Variants in USP28 observed in about 807,000 individuals in gnomAD.
USP28 encodes the protein ubiquitin carboxyl-terminal hydrolase 28.
A neutral mutation model predicts 145.0 loss-of-function variants in USP28; 113 were observed. That is an observed-to-expected ratio of 0.78 (90% confidence interval 0.67 to 0.91). The LOEUF (loss-of-function observed/expected upper bound fraction) is 0.91, where lower values mean the gene tolerates loss of function less well. USP28 is among the 40% of genes least tolerant of loss of function. The pLI, the probability that USP28 is intolerant of heterozygous loss-of-function variation, is 0.00. For synonymous variants in USP28, 447 were observed against 450.9 expected (o/e 0.99, Z 0.11); for missense variants, 1,201 against 1,289.6 (o/e 0.93, Z 1.05).
chr11:113,859,031 G>A (rs1347308139), intron 1 of USP28, among the ~76,000 whole-genome samples: 2 of 152,120 alleles, frequency 1.3e-5, no homozygotes, highest in Non-Finnish European at 2.9e-5. Flanking sequence ...AACATTTATT[G>A]AACAACTACT....
At chr11:113,816,570 C>T (rs1376329756) in intron 13 of USP28, among the ~76,000 whole-genome samples, 1 of 152,088 alleles carries the variant, frequency 6.6e-6, no homozygotes, top group Non-Finnish European at 1.5e-5. Context: ...CACTCTCTCA[C>T]ATGCACAAAA....
intron 1 of USP28, among the ~76,000 whole-genome samples, chr11:113,866,867 A>G (rs1044485875): frequency 6.6e-6 from 1 of 152,256 alleles, no homozygotes; most frequent in African/African-American, 2.4e-5. Context: ...AACTATTCAT[A>G]ATAACCAAAA....
In USP28 at chr11:113,813,853, C is replaced by T. The variant is rs753762012; in HGVS notation, c.1743+32G>A. Reference sequence around the variant, plus strand: ...TTTTGTATCTACCATTAGCACATGCCTTGACTACTTTCCCATCAATTTTCA... The same window carrying T: ...TTTTGTATCTACCATTAGCACATGCTTTGACTACTTTCCCATCAATTTTCA... On this transcript the variant is annotated intron_variant, in intron 15 of 24. Coordinates refer to ENST00000003302, the Ensembl canonical transcript of USP28. 7.6e-6 allele frequency: 12 copies of T among 1,582,838 alleles called. No individual in the cohort carries two copies. In the Admixed American group the frequency reaches 1.0e-4, roughly 13 times the overall value.
At chr11:113,818,740 A>G (rs1942145535) in intron 12 of USP28, among the ~76,000 whole-genome samples, 3 of 152,234 alleles carry the variant, frequency 2.0e-5, no homozygotes, top group African/African-American at 7.2e-5. Context: ...ACACTCCTGT[A>G]GTCCCAGCTC....
chr11:113,864,886 G>A (rs772527601), intron 1 of USP28, among the ~76,000 whole-genome samples: 1 of 152,118 alleles, frequency 6.6e-6, no homozygotes, highest in Non-Finnish European at 1.5e-5. Context: ...GATGGGGTCT[G>A]TCTCTGTCAC....
At chr11:113,847,370 C>G (rs149592190) in intron 3 of USP28, among the ~76,000 whole-genome samples, 1 of 140,666 alleles carries the variant, frequency 7.1e-6, no homozygotes. Context: ...GTAATACAAT[C>G]GCCAAACTCC....
At chr11:113,813,228 G>A (rs1229329025) in intron 15 of USP28, among the ~76,000 whole-genome samples, 2 of 152,156 alleles carry the variant, frequency 1.3e-5, no homozygotes, top group East Asian at 3.8e-4. Context: ...TTTACATGGT[G>A]CATTCCTGTT....
chr11:113,797,976 A>T (rs1195909349), exon 25 of USP28: 1 of 152,474 alleles, frequency 6.6e-6, no homozygotes, highest in Non-Finnish European at 1.5e-5. Flanking sequence ...GTTAAAACAC[A>T]ATATCCAATC....
intron 8 of USP28, 104 bp from the exon 9 acceptor site, chr11:113,831,047 C>A (rs1394262101): frequency 8.8e-7 from 1 of 1,130,508 alleles, no homozygotes. Context: ...TTTTCATCAA[C>A]CCCCAAAGAG....
At chr11:113,816,393 G>A (rs538079495) in intron 13 of USP28, among the ~76,000 whole-genome samples, 1 of 152,114 alleles carries the variant, frequency 6.6e-6, no homozygotes, top group East Asian at 1.9e-4. Flanking sequence ...CACGCCTGTA[G>A]TCCCAGCTAC....
intron 1 of USP28, among the ~76,000 whole-genome samples, chr11:113,865,317 C>T (rs1948148313): frequency 6.6e-6 from 1 of 152,138 alleles, no homozygotes; most frequent in Non-Finnish European, 1.5e-5. Flanking sequence ...AATGCTTTGG[C>T]CTTTCTTGCA....
At position 113,833,323 on chromosome 11, in the gene USP28, TCA is replaced by T. The variant is rs1944221979; in HGVS notation, c.759+95_759+96del. 6.0e-6 allele frequency: 9 copies of T among 1,497,990 alleles called. No individual in the cohort carries two copies. In the African/African-American group the frequency reaches 1.1e-4, roughly 19 times the overall value. The allele number at this position is 1,497,990 out of a possible 1,614,324, so 92.8% of individuals were successfully genotyped here. ...AACGAGCATCCATAGTCCTGCTTAGTCATGTTCACAGCTTGTTACGCAGTTGA... is the reference window on the plus strand; with the variant it reads ...AACGAGCATCCATAGTCCTGCTTAGTTGTTCACAGCTTGTTACGCAGTTGA... On this transcript the variant is annotated intron_variant, in intron 7 of 24. Coordinates refer to ENST00000003302, the Ensembl canonical transcript of USP28.
intron 5 of USP28, among the ~76,000 whole-genome samples, chr11:113,837,423 T>C (rs998427283): frequency 1.3e-5 from 2 of 152,140 alleles, no homozygotes; most frequent in African/African-American, 4.8e-5. Context: ...TACATCCACA[T>C]CCCAGGCTGC....
chr11:113,862,943 T>C (rs1947852079), intron 1 of USP28, among the ~76,000 whole-genome samples: 1 of 152,164 alleles, frequency 6.6e-6, no homozygotes, highest in South Asian at 2.1e-4. Flanking sequence ...TATTCAATGG[T>C]GAAAGGCTGA....
chr11:113,833,597 T>A, intron 6 of USP28, 40 bp from the exon 7 acceptor site: 1 of 1,572,336 alleles, frequency 6.4e-7, no homozygotes, highest in Non-Finnish European at 8.6e-7. Flanking sequence ...CAATATCTCA[T>A]TTAGAAAATC....
chr11:113,862,379 A>T (rs1947783966), intron 1 of USP28, among the ~76,000 whole-genome samples: 2 of 152,182 alleles, frequency 1.3e-5, no homozygotes, highest in Admixed American at 1.3e-4. Flanking sequence ...CAGAGAGGTG[A>T]TGTGGGATTG....
At chr11:113,830,989 T>C in intron 8 of USP28, 46 bp from the exon 9 acceptor site, 2 of 1,596,858 alleles carry the variant, frequency 1.3e-6, no homozygotes, top group Non-Finnish European at 1.7e-6. Flanking sequence ...TGGATTAAGA[T>C]ATGTGCTACA....
At chr11:113,829,289 A>G (rs1362582526) in exon 10 of USP28, 2 of 1,614,064 alleles carry the variant, frequency 1.2e-6, no homozygotes. Flanking sequence ...AAGTTGCGAT[A>G]ACCGTTTACC....
chr11:113,828,745 C>A, intron 10 of USP28: 1 of 310,996 alleles, frequency 3.2e-6, no homozygotes, highest in Non-Finnish European at 6.3e-6. Context: ...CATAAATAAA[C>A]AAATGAAAAT....
Sources: gnomAD v4.1 joint callset for allele counts (sites outside exome capture counted in the v4.1 genomes callset) on GRCh38, gnomAD v4.1.1 for gene constraint, MANE v1.5 for transcripts, NCBI Gene and HGNC (gene_info 2026-07-23, HGNC 2026-07-21) for gene names.